RNF216: variants seen among roughly 807,000 people sequenced by gnomAD.
The protein encoded by RNF216 is ring finger protein 216.
A neutral mutation model predicts 110.8 loss-of-function variants in RNF216; 72 were observed. The observed-to-expected ratio is 0.65, with a 90% confidence interval of 0.54 to 0.79. The LOEUF (loss-of-function observed/expected upper bound fraction) is 0.79, where lower values mean the gene tolerates loss of function less well. Among genes scored for constraint, RNF216 ranks in the 30% least tolerant of loss-of-function variants. The pLI is 0.00. For synonymous variants in RNF216, 495 were observed against 407.5 expected (o/e 1.21, Z -2.59); for missense variants, 1,342 against 1,141.2 (o/e 1.18, Z -2.54).
chr7:5,741,599 G>A lies in RNF216; in HGVS notation c.418C>T (p.Pro140Ser). 1 of 1,614,152 alleles carries A rather than the reference G, an allele frequency of 6.2e-7. No homozygotes were observed. Among genetic ancestry groups the A allele is most frequent in the Non-Finnish European group, 8.5e-7 (1 of 1,180,038 alleles). The change falls in exon 4 of 17, where the codon CCT becomes TCT. Residue 140 changes from proline (P) to serine (S), a missense_variant. Coordinates refer to ENST00000389902, the MANE Select transcript of RNF216 (RefSeq NM_207111.4). ...DYGEFLDLGP[P>S]GISEFTKPSG... The stretch of plus-strand genomic sequence containing the variant: ...GGCTTAGTGAATTCAGAGATTCCAG[G>A]AGGCCCAAGATCCAGAAATTCACCG...
At chr7:5,722,620 G>A (rs1363656366) in intron 8 of RNF216, among the ~76,000 whole-genome samples, 1 of 151,786 alleles carries the variant, frequency 6.6e-6, no homozygotes, top group Non-Finnish European at 1.5e-5. Flanking sequence ...TTGATCTCCC[G>A]ACCTCGTGAT....
chr7:5,748,263 C>T lies in RNF216; in HGVS notation c.201+4583G>A, dbSNP rs551254198. ...AACTGTCTTTGTGCCCTACAGTTCA[C>T]CTTTTGAAGGAAAAAGCCAAATTCC... On this transcript the variant is annotated intron_variant, in intron 3 of 16. Transcript: ENST00000389902. Among the ~76,000 whole-genome samples, 13 of 152,278 alleles carry T rather than the reference C, an allele frequency of 8.5e-5. No individual in the cohort carries two copies. The East Asian group carries it at 2.1e-3, about 25-fold the overall frequency.
At chr7:5,770,094 C>G (rs762923746) in intron 1 of RNF216, among the ~76,000 whole-genome samples, 2 of 147,518 alleles carry the variant, frequency 1.4e-5, no homozygotes, top group African/African-American at 5.0e-5. Context: ...CGCCTGTAGT[C>G]CCACCACTTT....
intron 1 of RNF216, among the ~76,000 whole-genome samples, chr7:5,776,571 G>C (rs1438728157): frequency 3.5e-5 from 5 of 142,278 alleles, no homozygotes; most frequent in African/African-American, 1.3e-4. Flanking sequence ...CTCTAGCCTG[G>C]GCGACAGAGC....
intron 1 of RNF216, among the ~76,000 whole-genome samples, chr7:5,768,784 C>G (rs530129148): frequency 4.0e-5 from 6 of 151,662 alleles, no homozygotes; most frequent in Admixed American, 6.6e-5. Flanking sequence ...GCCTCACCCT[C>G]CCGAGTAACT....
intron 1 of RNF216, 86 bp from the exon 2 acceptor site, chr7:5,761,224 T>G: frequency 2.0e-6 from 1 of 502,750 alleles, no homozygotes; most frequent in South Asian, 3.6e-5. Flanking sequence ...ATCTGAAGCT[T>G]ATGCTGAAAA....
At chr7:5,660,265 C>CTTTTTTTTTTTTTTTTTTTTT (rs66617363) in intron 13 of RNF216, among the ~76,000 whole-genome samples, 4 of 33,652 alleles carry the variant, frequency 1.2e-4, no homozygotes, top group Non-Finnish European at 2.4e-4. Context: ...GTTTTAAATT[C>CTTTTTTTTTTTTTTTTTTTTT]TTTTTTTTTT....
chr7:5,755,342 GC>G (rs1269341945), intron 2 of RNF216, among the ~76,000 whole-genome samples: 4 of 152,080 alleles, frequency 2.6e-5, no homozygotes, highest in African/African-American at 9.7e-5. Context: ...GTTCCAATTA[GC>G]TTTTCAAAGT....
intron 7 of RNF216, among the ~76,000 whole-genome samples, chr7:5,726,499 G>A (rs546042220): frequency 1.6e-4 from 24 of 152,296 alleles, no homozygotes; most frequent in African/African-American, 5.3e-4. Context: ...TTCCACTGGT[G>A]AGGATCCCTT....
At position 5,712,816 on chromosome 7, in the gene RNF216, G is replaced by A. The variant is rs755502061; in HGVS notation, c.1881C>T (p.Thr627=). ...MEGSCTCSFP[T]SELEKVLPQT... ...GGGGGAGCACCTTCTCCAGCTCACTGGTTGGGAACGAACACGTGCAGCTGC... is the reference window on the plus strand; with the variant it reads ...GGGGGAGCACCTTCTCCAGCTCACTAGTTGGGAACGAACACGTGCAGCTGC... Residue 627 remains threonine (T), a synonymous_variant, in exon 12 of 17, where the codon ACC becomes ACT. Coordinates refer to ENST00000389902, the MANE Select transcript of RNF216 (RefSeq NM_207111.4). 7.9e-5 allele frequency: 128 copies of A among 1,613,996 alleles called. 1 individual carries two copies. Among genetic ancestry groups the A allele is most frequent in the Middle Eastern group, 1.6e-4 (1 of 6,062 alleles).
At chr7:5,739,072 G>C (rs1010632830) in intron 5 of RNF216, among the ~76,000 whole-genome samples, 8 of 152,210 alleles carry the variant, frequency 5.3e-5, no homozygotes, top group African/African-American at 1.9e-4. Context: ...GGGATGGGGA[G>C]TGAGTGTTTA....
At chr7:5,663,527 T>C (rs1789290209) in intron 13 of RNF216, among the ~76,000 whole-genome samples, 1 of 131,776 alleles carries the variant, frequency 7.6e-6, no homozygotes, top group Non-Finnish European at 1.5e-5. Context: ...GAGCTTGCAG[T>C]GAGCTGAGAT....
rs1345891904 is a variant in RNF216 at position 5,664,406 on chromosome 7, C to T, written c.2062-11896G>A. Among the ~76,000 whole-genome samples, 2 of 152,140 alleles carry T rather than the reference C, an allele frequency of 1.3e-5. 1 individual carries two copies. The highest frequency in any genetic ancestry group is 4.1e-4 in the South Asian group (2 of 4,832). On this transcript the variant is annotated intron_variant, in intron 13 of 16. Coordinates refer to ENST00000389902, the MANE Select transcript of RNF216 (RefSeq NM_207111.4). ...GTTAAACTACAAACAGCAGTTATTA[C>T]CAAGCAGCTAATGACCAAATGCTTG...
intron 4 of RNF216, 127 bp from the exon 5 acceptor site, chr7:5,739,479 G>C (rs1413481208): frequency 1.1e-6 from 1 of 908,528 alleles, no homozygotes; most frequent in Admixed American, 2.0e-5. Context: ...AAGCAGGTCT[G>C]TGTGTGTCTT....
intron 14 of RNF216, 140 bp from the exon 15 acceptor site, chr7:5,641,516 T>G (rs1787732484): frequency 1.4e-6 from 1 of 698,300 alleles, no homozygotes; most frequent in Admixed American, 2.9e-5. Flanking sequence ...AGAGCCTAGG[T>G]TTTGGAGTCT....
At chr7:5,737,644 T>C (rs778283137) in intron 5 of RNF216, among the ~76,000 whole-genome samples, 30 of 152,102 alleles carry the variant, frequency 2.0e-4, no homozygotes, top group African/African-American at 5.3e-4. Flanking sequence ...TTGTACAAAT[T>C]AGAAAAAAGT....
intron 16 of RNF216, 117 bp from the exon 17 acceptor site, chr7:5,623,296 C>T: frequency 1.2e-6 from 1 of 859,374 alleles, no homozygotes; most frequent in Non-Finnish European, 1.7e-6. Context: ...CTGATCAAAG[C>T]ACAAAACGTG....
rs1480752101 is a variant in RNF216 at position 5,696,797 on chromosome 7, T to C, written c.2061+14964A>G. ...GTACGAACGGGCTCTGGGAGGGCTG[T>C]AGGAGGACGGCATGTCCCCAGGTTA... is the stretch of plus-strand genomic sequence containing the variant. On this transcript the variant is annotated intron_variant, in intron 13 of 16. Transcript: ENST00000389902. This position sits in a 1 kb window ranked among gnomAD's most constrained non-coding sequence, Gnocchi z 5.4. 6.6e-6 allele frequency among the ~76,000 whole-genome samples: 1 copy of C among 152,192 alleles called. No individual in the cohort carries two copies. Among genetic ancestry groups the C allele is most frequent in the Non-Finnish European group, 1.5e-5 (1 of 68,020 alleles).
At chr7:5,728,059 C>T (rs904479892) in intron 7 of RNF216, among the ~76,000 whole-genome samples, 1 of 152,016 alleles carries the variant, frequency 6.6e-6, no homozygotes, top group Non-Finnish European at 1.5e-5. Flanking sequence ...CATTGGCAAC[C>T]AACGTTTCCC....
Sources: allele counts gnomAD v4.1 joint callset (sites outside exome capture counted in the v4.1 genomes callset), GRCh38; gene constraint gnomAD v4.1.1; non-coding constraint Gnocchi (gnomAD v3.1); transcripts MANE v1.5; gene names NCBI Gene and HGNC (gene_info 2026-07-23, HGNC 2026-07-21).